The following LTBP1 variants were observed in gnomAD, a reference collection of about 807,000 sequenced individuals.
LTBP1 encodes the protein latent transforming growth factor beta binding protein 1, also known as latent-transforming growth factor beta-binding protein 1.
LTBP1 carries 129 observed loss-of-function variants against 207.6 expected under a neutral mutation model. That is an observed-to-expected ratio of 0.62 (90% CI 0.54 to 0.72). The LOEUF is 0.72. Among genes scored for constraint, LTBP1 ranks in the 30% least tolerant of loss-of-function variants. The pLI is 0.00. For missense variants in LTBP1, 2,281 were observed against 2,217.2 expected (o/e 1.03, Z -0.58); for synonymous variants, 963 against 833.7 (o/e 1.16, Z -2.67).
chr2:33,335,203 G>A lies in LTBP1; in HGVS notation c.3731-7635G>A, dbSNP rs75225965. On this transcript the variant is annotated intron_variant, in intron 24 of 33. Transcript: ENST00000404816. ...AAAAAAAAAAAAAGATGTCTCATTGGCCAGCCTTCTTTTCTAGAAGGTAAT... is the reference window on the plus strand; with the variant it reads ...AAAAAAAAAAAAAGATGTCTCATTGACCAGCCTTCTTTTCTAGAAGGTAAT... Among the ~76,000 whole-genome samples, 917 of 151,424 alleles carry A rather than the reference G, an allele frequency of 6.1e-3. 8 individuals are homozygous for A. The highest frequency in any genetic ancestry group is 0.021 in the African/African-American group (885 of 41,338).
intron 2 of LTBP1, among the ~76,000 whole-genome samples, chr2:32,992,268 TTGGGGTTC>T (rs1684533034): frequency 6.6e-6 from 1 of 152,010 alleles, no homozygotes. Flanking sequence ...CCCAATGCCA[TTGGGGTTC>T]AAAGGAGAAA....
rs986917763 is a variant in LTBP1, at chr2:33,159,057, G to C, written c.1201+24097G>C. Among the ~76,000 whole-genome samples the C allele has an allele frequency of 2.1e-4, 32 of 152,174 alleles. 2 individuals are homozygous for C. ...GGCCAGGCAGGATGCAATGACATGG[G>C]AATGCAGGGGGCCTAGGGTCTGCCT... On this transcript the variant is annotated intron_variant, in intron 5 of 33. Transcript: ENST00000404816.
At chr2:33,259,043 T>C (rs1316697400) in intron 12 of LTBP1, among the ~76,000 whole-genome samples, 1 of 152,208 alleles carries the variant, frequency 6.6e-6, no homozygotes, top group Non-Finnish European at 1.5e-5. Context: ...TGAGATTCTT[T>C]TTCGTAATTT....
intron 3 of LTBP1, among the ~76,000 whole-genome samples, chr2:33,082,319 T>A (rs2078457845): frequency 6.6e-6 from 1 of 152,128 alleles, no homozygotes; most frequent in East Asian, 1.9e-4. Context: ...TTCTGCTCAT[T>A]ATAAATTACC....
At chr2:33,025,173 C>T (rs571399544) in intron 3 of LTBP1, among the ~76,000 whole-genome samples, 9 of 152,310 alleles carry the variant, frequency 5.9e-5, no homozygotes, top group East Asian at 5.8e-4. Flanking sequence ...CACACCCTCA[C>T]GCTTACCTTA....
intron 19 of LTBP1, among the ~76,000 whole-genome samples, chr2:33,289,451 C>G (rs11674005): frequency 0.03 from 4,544 of 152,236 alleles, 109 homozygotes; most frequent in Non-Finnish European, 0.049. Flanking sequence ...TCTCTAACTC[C>G]TGGGCTCCAG....
chr2:33,100,920 A>G (rs2079695312), intron 3 of LTBP1, among the ~76,000 whole-genome samples: 1 of 152,210 alleles, frequency 6.6e-6, no homozygotes, highest in African/African-American at 2.4e-5. Flanking sequence ...GCATGGACAA[A>G]CCACATTTTG....
chr2:33,180,306 T>G (rs559790635), intron 5 of LTBP1, among the ~76,000 whole-genome samples: 6 of 152,334 alleles, frequency 3.9e-5, no homozygotes, highest in African/African-American at 1.4e-4. Flanking sequence ...CTTGGTCATG[T>G]GTAGGACTAG....
At chr2:33,047,735 A>T (rs1024473172) in intron 3 of LTBP1, among the ~76,000 whole-genome samples, 1 of 152,080 alleles carries the variant, frequency 6.6e-6, no homozygotes, top group Non-Finnish European at 1.5e-5. Flanking sequence ...TCCCACTATT[A>T]TTGTGTGAGA....
At position 33,278,601 on chromosome 2, in the gene LTBP1, C is replaced by T. The variant is rs527693105; in HGVS notation, c.2993-1438C>T. Among the ~76,000 whole-genome samples the T allele has an allele frequency of 9.2e-5, 14 of 152,036 alleles. No homozygotes were observed. In the East Asian group the frequency reaches 1.7e-3, roughly 19 times the overall value. ...CTAATTTATAGAAGAGGGGAAAAGC[C>T]GAGGTGAGAGCAGGTAGAAATTCAG... On this transcript the variant is annotated intron_variant, in intron 18 of 33. Transcript: ENST00000404816.
At chr2:33,176,948 C>T (rs4670778) in intron 5 of LTBP1, among the ~76,000 whole-genome samples, 66,082 of 152,020 alleles carry the variant, frequency 0.43, 15,096 homozygotes, top group Non-Finnish European at 0.5. Context: ...GTGCTGAGTT[C>T]TGTGTACTGT....
intron 15 of LTBP1, among the ~76,000 whole-genome samples, chr2:33,268,963 A>G (rs2093252069): frequency 6.6e-6 from 1 of 152,134 alleles, no homozygotes; most frequent in Non-Finnish European, 1.5e-5. Context: ...CTTTTCCAGA[A>G]CTCAGAAATG....
At chr2:33,201,717 A>C (rs2149100002) in intron 7 of LTBP1, among the ~76,000 whole-genome samples, 1 of 152,326 alleles carries the variant, frequency 6.6e-6, no homozygotes, top group Middle Eastern at 3.4e-3. Flanking sequence ...AATAAACTTT[A>C]TGTGGATTAG....
chr2:33,006,010 T>C (rs1037039909), intron 2 of LTBP1, among the ~76,000 whole-genome samples: 1 of 152,164 alleles, frequency 6.6e-6, no homozygotes, highest in Non-Finnish European at 1.5e-5. Flanking sequence ...TTCTTCCTCA[T>C]TCTCACTCCA....
In LTBP1 at chr2:32,948,963, C is replaced by T. The variant is rs1676687725; in HGVS notation, c.565+18C>T. The T allele has an allele frequency of 6.2e-7, 1 of 1,613,818 alleles. No individual in the cohort carries two copies. The highest frequency in any genetic ancestry group is 8.5e-7 in the Non-Finnish European group (1 of 1,179,706). On this transcript the variant is annotated intron_variant, in intron 2 of 33. Coordinates refer to ENST00000404816, the MANE Select transcript of LTBP1 (RefSeq NM_206943.4). ...CACCAAACGTAAGTTGCCATGTTCA[C>T]AGTGGCCCTGCACAGTAGGCAAAGT...
intron 2 of LTBP1, among the ~76,000 whole-genome samples, chr2:32,981,170 C>G (rs182001824): frequency 2.0e-5 from 3 of 152,238 alleles, no homozygotes; most frequent in Admixed American, 2.0e-4. Flanking sequence ...ACTTTCTACC[C>G]CAGTCTCTCT....
At chr2:32,947,866 C>G (rs1354762393) in intron 1 of LTBP1, 48 bp downstream of exon 1, 1 of 1,271,646 alleles carries the variant, frequency 7.9e-7, no homozygotes, top group South Asian at 2.9e-5. Context: ...GCGCGCACCG[C>G]CCGCGGAGGG....
intron 22 of LTBP1, among the ~76,000 whole-genome samples, chr2:33,306,341 G>A (rs568416766): frequency 1.3e-5 from 2 of 151,910 alleles, no homozygotes; most frequent in African/African-American, 2.4e-5. Flanking sequence ...AGGCCGAGGC[G>A]GGTGAATCAC....
chr2:33,329,802 T>A (rs1017529572), intron 24 of LTBP1, among the ~76,000 whole-genome samples: 3 of 152,138 alleles, frequency 2.0e-5, no homozygotes, highest in African/African-American at 7.2e-5. Context: ...TAAATTTTAA[T>A]GTTTTCTGCT....
Sources: gnomAD v4.1 joint callset for allele counts (sites outside exome capture counted in the v4.1 genomes callset) on GRCh38, gnomAD v4.1.1 for gene constraint, MANE v1.5 for transcripts, NCBI Gene and HGNC (gene_info 2026-07-23, HGNC 2026-07-21) for gene names.